TNFRSF1B: variants seen among roughly 807,000 people sequenced by gnomAD.
TNFRSF1B encodes the protein tumor necrosis factor receptor superfamily member 1B.
TNFRSF1B carries 19 observed loss-of-function variants against 44.6 expected under a neutral mutation model. The ratio of observed to expected loss-of-function variants is 0.43; its 90% CI spans 0.30 to 0.62. TNFRSF1B has a LOEUF of 0.62. TNFRSF1B is among the 20% of genes least tolerant of loss of function. The pLI, the probability that TNFRSF1B is intolerant of heterozygous loss-of-function variation, is 0.16. For missense variants in TNFRSF1B, 541 were observed against 619.9 expected, an observed-to-expected ratio of 0.87 and a Z score of 1.35; for synonymous variants, 252 against 261.1, an observed-to-expected ratio of 0.97 and a Z score of 0.34.
At chr1:12,195,937 G>T (rs537847857) in intron 8 of TNFRSF1B, among the ~76,000 whole-genome samples, 4 of 152,198 alleles carry the variant, frequency 2.6e-5, no homozygotes, top group African/African-American at 9.6e-5. Context: ...GAGTCTAGGA[G>T]TTCAAGACCA....
intron 1 of TNFRSF1B, among the ~76,000 whole-genome samples, chr1:12,179,751 G>A (rs1638748867): frequency 6.6e-6 from 1 of 152,202 alleles, no homozygotes; most frequent in Non-Finnish European, 1.5e-5. Flanking sequence ...AGCTCCTGGA[G>A]TGCCGCTCAC....
At chr1:12,194,762 C>T (rs1479469154) in intron 8 of TNFRSF1B, 144 bp downstream of exon 8, 96 of 1,028,946 alleles carry the variant, frequency 9.3e-5, no homozygotes, top group South Asian at 4.7e-4. Flanking sequence ...GAGGAAAGGC[C>T]GGGGAGTCAG....
chr1:12,191,681 G>A lies in TNFRSF1B; in HGVS notation c.308-93G>A, dbSNP rs183205121. The A allele has an allele frequency of 5.8e-5, 89 of 1,542,234 alleles. No individual in the cohort carries two copies. In the East Asian group the frequency reaches 1.7e-3, roughly 30 times the overall value. ...TGAGGCGGTCCGCCAGCCTCCTGGAGATCCGCTGTCTGAGAGTGCTGGGCT... is the reference window on the plus strand; with the variant it reads ...TGAGGCGGTCCGCCAGCCTCCTGGAAATCCGCTGTCTGAGAGTGCTGGGCT... On this transcript the variant is annotated intron_variant, in intron 3 of 9. Coordinates refer to ENST00000376259, the MANE Select transcript of TNFRSF1B (RefSeq NM_001066.3).
intron 8 of TNFRSF1B, among the ~76,000 whole-genome samples, chr1:12,198,939 C>A (rs911327825): frequency 6.6e-6 from 1 of 152,134 alleles, no homozygotes; most frequent in East Asian, 1.9e-4. Context: ...ATTCGGTGAC[C>A]ACCTCGGCCT....
chr1:12,188,466 C>T (rs943157624), intron 1 of TNFRSF1B, among the ~76,000 whole-genome samples: 3 of 152,134 alleles, frequency 2.0e-5, no homozygotes, highest in African/African-American at 7.2e-5. Flanking sequence ...GTGCTGAGAA[C>T]CCCCGTTCTC....
At chr1:12,167,232 G>T in intron 1 of TNFRSF1B, 63 bp downstream of exon 1, 1 of 1,169,460 alleles carries the variant, frequency 8.6e-7, no homozygotes, top group African/African-American at 1.6e-5. Flanking sequence ...CTGGTGCGCA[G>T]CCTTCGGGTG....
At chr1:12,170,780 C>A (rs1455030487) in intron 1 of TNFRSF1B, among the ~76,000 whole-genome samples, 1 of 151,802 alleles carries the variant, frequency 6.6e-6, no homozygotes, top group African/African-American at 2.4e-5. Flanking sequence ...GATTCTCCTG[C>A]CTCAGCCTCC....
intron 2 of TNFRSF1B, among the ~76,000 whole-genome samples, chr1:12,190,458 C>CAAAAAAAAAAAAAAAAAAAAAAA (rs4044499): frequency 1.6e-5 from 1 of 61,518 alleles, no homozygotes; most frequent in Non-Finnish European, 2.9e-5. Flanking sequence ...GATTCTGTCT[C>CAAAAAAAAAAAAAAAAAAAAAAA]AAAAAAAAAA....
At chr1:12,201,804 A>G (rs1639395000) in intron 8 of TNFRSF1B, among the ~76,000 whole-genome samples, 163 bp from the exon 9 acceptor site, 1 of 152,208 alleles carries the variant, frequency 6.6e-6, no homozygotes, top group African/African-American at 2.4e-5. Context: ...ACACCTCCCA[A>G]AAAGTGCCGT....
At chr1:12,194,864 G>A (rs1423623200) in intron 8 of TNFRSF1B, among the ~76,000 whole-genome samples, 3 of 152,258 alleles carry the variant, frequency 2.0e-5, no homozygotes, top group Admixed American at 1.3e-4. Context: ...GCACGTGGTC[G>A]TGGACCCACA....
chr1:12,167,733 A>T (rs986845490), intron 1 of TNFRSF1B, among the ~76,000 whole-genome samples: 1 of 152,142 alleles, frequency 6.6e-6, no homozygotes, highest in Admixed American at 6.5e-5. Context: ...GCACAGCTGG[A>T]GGGCGAGCTG....
intron 1 of TNFRSF1B, among the ~76,000 whole-genome samples, chr1:12,170,692 T>C (rs749902895): frequency 6.6e-6 from 1 of 152,226 alleles, no homozygotes; most frequent in African/African-American, 2.4e-5. Context: ...AGATGGAGTC[T>C]TGCTCTGTTG....
In TNFRSF1B at chr1:12,171,234, G is replaced by A. The variant is rs1040437852; in HGVS notation, c.78+4065G>A. On this transcript the variant is annotated intron_variant, in intron 1 of 9. Transcript: ENST00000376259. The surrounding 1 kb of genome is among the most constrained non-coding windows in gnomAD (Gnocchi z 4.5). ...TTGCCATGTTGGCCAGGCTGGTCTC[G>A]AACTCCTGAACTCAAGTGATCCACC... 6.8e-6 allele frequency among the ~76,000 whole-genome samples: 1 copy of A among 147,998 alleles called. No individual in the cohort carries two copies. Among genetic ancestry groups the A allele is most frequent in the African/African-American group, 2.5e-5 (1 of 39,634 alleles).
intron 1 of TNFRSF1B, among the ~76,000 whole-genome samples, chr1:12,185,646 C>A (rs568734892): frequency 6.6e-6 from 1 of 152,324 alleles, no homozygotes; most frequent in African/African-American, 2.4e-5. Context: ...GCCCAGAATT[C>A]ACCATAGCTG....
intron 9 of TNFRSF1B, among the ~76,000 whole-genome samples, 159 bp downstream of exon 9, chr1:12,202,330 G>C (rs561753096): frequency 6.6e-6 from 1 of 152,222 alleles, no homozygotes; most frequent in African/African-American, 2.4e-5. Context: ...GTTCCCTCCC[G>C]CCTTTGCCCA....
intron 9 of TNFRSF1B, 75 bp from the exon 10 acceptor site, chr1:12,206,665 G>A: frequency 6.9e-7 from 1 of 1,458,558 alleles, no homozygotes; most frequent in Non-Finnish European, 9.2e-7. Context: ...GTCTGAATCT[G>A]CATCTTGGGC....
rs766504409 is a variant in TNFRSF1B at position 12,199,813 on chromosome 1, T to G, written c.901-2154T>G. On this transcript the variant is annotated intron_variant, in intron 8 of 9. Transcript: ENST00000376259. The surrounding 1 kb of genome is among the most constrained non-coding windows in gnomAD (Gnocchi z 4.0). Reference sequence around the variant, plus strand: ...CACTCATCTCTACCCTCCTTCTTTCTGCCTGGGACACTTGTTTTCATCCTG... The same window carrying G: ...CACTCATCTCTACCCTCCTTCTTTCGGCCTGGGACACTTGTTTTCATCCTG... Among the ~76,000 whole-genome samples the G allele has an allele frequency of 6.6e-6, 1 of 152,234 alleles. No individual in the cohort carries two copies. Among genetic ancestry groups the G allele is most frequent in the East Asian group, 1.9e-4 (1 of 5,200 alleles).
chr1:12,207,189 G>A lies in TNFRSF1B; in HGVS notation c.*169G>A. The A allele has an allele frequency of 1.6e-6, 1 of 628,958 alleles. No individual in the cohort carries two copies. 39.0% of individuals were successfully genotyped at this position (628,958 alleles called of 1,614,324 possible). ...GCCGCAGCCTCCCTCTGACCTGCAG[G>A]CCAAGAGCAGAGGCAGCGAGTTGTG... On this transcript the variant is annotated 3_prime_UTR_variant, in exon 10 of 10. Transcript: ENST00000376259.
In TNFRSF1B at chr1:12,171,529, T is replaced by C. The variant is rs1196668718; in HGVS notation, c.78+4360T>C. The stretch of plus-strand genomic sequence containing the variant: ...CACTCCCTGACCTGCTTTGTATTCC[T>C]GTATAATGCTCTTGACCTATTCTAT... On this transcript the variant is annotated intron_variant, in intron 1 of 9. Coordinates refer to ENST00000376259, the MANE Select transcript of TNFRSF1B (RefSeq NM_001066.3). This position sits in a 1 kb window ranked among gnomAD's most constrained non-coding sequence, Gnocchi z 4.5. 6.6e-6 allele frequency among the ~76,000 whole-genome samples: 1 copy of C among 152,244 alleles called. No individual in the cohort carries two copies. Among genetic ancestry groups the C allele is most frequent in the Non-Finnish European group, 1.5e-5 (1 of 68,044 alleles).
Sources: gnomAD v4.1 joint callset for allele counts (sites outside exome capture counted in the v4.1 genomes callset) on GRCh38, gnomAD v4.1.1 for gene constraint, Gnocchi (gnomAD v3.1) non-coding constraint, MANE v1.5 for transcripts, NCBI Gene and HGNC (gene_info 2026-07-23, HGNC 2026-07-21) for gene names.